The following HSDL2 variants were observed in gnomAD, a reference collection of about 807,000 sequenced individuals.
HSDL2 encodes the protein hydroxysteroid dehydrogenase like 2, also known as hydroxysteroid dehydrogenase-like protein 2.
HSDL2 carries 27 observed loss-of-function variants against 46.3 expected under a neutral mutation model. That is an observed-to-expected ratio of 0.58 (90% confidence interval 0.43 to 0.80). HSDL2 has a LOEUF of 0.80. Ranked by LOEUF, HSDL2 falls within the 30% of genes least tolerant of loss-of-function variation. The pLI, the probability that HSDL2 is intolerant of heterozygous loss-of-function variation, is 0.00. For synonymous variants in HSDL2, 153 were observed against 163.6 expected (o/e 0.94, Z 0.50); for missense variants, 451 against 502.7 (o/e 0.90, Z 0.98).
At chr9:112,406,667 G>A (rs1338833618) in intron 3 of HSDL2, among the ~76,000 whole-genome samples, 1 of 151,800 alleles carries the variant, frequency 6.6e-6, no homozygotes, top group African/African-American at 2.4e-5. Flanking sequence ...GACAGGTTTC[G>A]CCACATTGGC....
At chr9:112,463,078 CAT>C (rs1833261331) in intron 10 of HSDL2, among the ~76,000 whole-genome samples, 1 of 152,066 alleles carries the variant, frequency 6.6e-6, no homozygotes, top group Non-Finnish European at 1.5e-5. Flanking sequence ...GGATATACCA[CAT>C]GTTGTTTATT....
intron 8 of HSDL2, among the ~76,000 whole-genome samples, chr9:112,446,408 G>A (rs1239804986): frequency 2.0e-5 from 3 of 152,138 alleles, no homozygotes; most frequent in African/African-American, 7.2e-5. Context: ...AGGATTGCCC[G>A]AGGCCAGGAG....
chr9:112,462,749 TAATA>T (rs1222954539), intron 10 of HSDL2, among the ~76,000 whole-genome samples: 1 of 152,128 alleles, frequency 6.6e-6, no homozygotes, highest in Non-Finnish European at 1.5e-5. Flanking sequence ...AAATGATTTT[TAATA>T]AATTTATAGT....
intron 8 of HSDL2, among the ~76,000 whole-genome samples, chr9:112,444,486 C>T (rs1217959862): frequency 6.6e-6 from 1 of 152,078 alleles, no homozygotes; most frequent in East Asian, 1.9e-4. Flanking sequence ...GCCTGTAGTC[C>T]CAGCACTTTG....
chr9:112,388,983 A>G (rs577714246), intron 1 of HSDL2, among the ~76,000 whole-genome samples: 18 of 152,194 alleles, frequency 1.2e-4, no homozygotes, highest in South Asian at 8.3e-4. Context: ...AAATACTGTG[A>G]AAGTAGATAC....
intron 1 of HSDL2, among the ~76,000 whole-genome samples, chr9:112,399,941 G>C (rs1198298326): frequency 1.3e-5 from 2 of 152,204 alleles, no homozygotes; most frequent in Non-Finnish European, 2.9e-5. Context: ...TACATCCTCA[G>C]CTTACGAAGA....
At chr9:112,413,107 AC>A (rs1185980200) in intron 4 of HSDL2, among the ~76,000 whole-genome samples, 2 of 152,194 alleles carry the variant, frequency 1.3e-5, no homozygotes, top group Non-Finnish European at 2.9e-5. Context: ...CCTCACACTG[AC>A]TTTTGGGTCA....
At chr9:112,453,904 G>T (rs1832949360) in intron 8 of HSDL2, 109 bp from the exon 9 acceptor site, 3 of 970,626 alleles carry the variant, frequency 3.1e-6, no homozygotes, top group Non-Finnish European at 4.5e-6. Flanking sequence ...AAGTCATTTT[G>T]GTCAAATAGG....
chr9:112,410,725 G>A (rs953118987), intron 4 of HSDL2, among the ~76,000 whole-genome samples: 24 of 152,044 alleles, frequency 1.6e-4, no homozygotes, highest in Admixed American at 1.4e-3. Flanking sequence ...CCAGGAGTTC[G>A]AAACCAGCCT....
chr9:112,427,434 T>C (rs893393182), intron 6 of HSDL2, among the ~76,000 whole-genome samples: 14 of 152,244 alleles, frequency 9.2e-5, no homozygotes, highest in African/African-American at 2.9e-4. Context: ...TTTTAAATGA[T>C]TCGGTCTCTT....
rs141322902 is a variant in HSDL2 at position 112,458,690 on chromosome 9, A to C, written c.1016-759A>C. On this transcript the variant is annotated intron_variant, in intron 9 of 10. Transcript: ENST00000398805. ...AAATGCATTCACATTGTTTTATAAC[A>C]ATCATCACCTGCCGGGCACGGTATC... is the stretch of plus-strand genomic sequence containing the variant. 4.3e-3 allele frequency among the ~76,000 whole-genome samples: 648 copies of C among 152,222 alleles called. 10 individuals are homozygous for C. The highest frequency in any genetic ancestry group is 0.025 in the Admixed American group (387 of 15,292).
intron 4 of HSDL2, among the ~76,000 whole-genome samples, chr9:112,409,645 C>T (rs1463170090): frequency 6.6e-6 from 1 of 152,032 alleles, no homozygotes; most frequent in East Asian, 1.9e-4. Context: ...CTGAGATGCA[C>T]AAGATGGCAA....
chr9:112,441,819 T>G, intron 8 of HSDL2, 49 bp downstream of exon 8: 2 of 1,206,678 alleles, frequency 1.7e-6, no homozygotes, highest in South Asian at 2.5e-5. Flanking sequence ...TCCTAACTTA[T>G]GTATTTCTTC....
intron 1 of HSDL2, among the ~76,000 whole-genome samples, chr9:112,397,531 G>A (rs1234588271): frequency 2.0e-5 from 3 of 152,178 alleles, no homozygotes; most frequent in Admixed American, 6.5e-5. Context: ...CTTGGGGCAC[G>A]TAATTTATCC....
chr9:112,383,181 C>T (rs1412251673), intron 1 of HSDL2, among the ~76,000 whole-genome samples: 1 of 151,988 alleles, frequency 6.6e-6, no homozygotes, highest in Non-Finnish European at 1.5e-5. Context: ...TTAAGTGGTT[C>T]TCCTGCCTTA....
At chr9:112,425,027 T>C (rs1464911668) in intron 6 of HSDL2, among the ~76,000 whole-genome samples, 2 of 152,144 alleles carry the variant, frequency 1.3e-5, no homozygotes, top group Admixed American at 6.5e-5. Flanking sequence ...CCATTTCTTA[T>C]TAGATTAGCT....
chr9:112,404,306 G>A lies in HSDL2; in HGVS notation c.181+148G>A, dbSNP rs895386637. ...AGAAGTATTTATGTTGTCACCTTGG[G>A]GCAGTGCTTCTGACCGTTTTTCTCC... On this transcript the variant is annotated intron_variant, in intron 2 of 10. Transcript: ENST00000398805. 2.5e-5 allele frequency: 18 copies of A among 727,728 alleles called. No homozygotes were observed. In the African/African-American group the frequency reaches 2.9e-4, roughly 12 times the overall value. 45.1% of individuals were successfully genotyped at this position (727,728 alleles called of 1,614,324 possible).
intron 4 of HSDL2, among the ~76,000 whole-genome samples, chr9:112,415,468 A>G (rs1243367835): frequency 6.6e-6 from 1 of 152,160 alleles, no homozygotes; most frequent in African/African-American, 2.4e-5. Flanking sequence ...AATGCTATAC[A>G]ATTTTCCCAG....
chr9:112,398,579 C>T lies in HSDL2; in HGVS notation c.18-5416C>T, dbSNP rs147955399. 3.0e-3 allele frequency among the ~76,000 whole-genome samples: 454 copies of T among 151,876 alleles called. 2 individuals carry two copies. The highest frequency in any genetic ancestry group is 0.01 in the African/African-American group (422 of 41,420). On this transcript the variant is annotated intron_variant, in intron 1 of 10. Coordinates refer to ENST00000398805, the MANE Select transcript of HSDL2 (RefSeq NM_032303.5). ...TGAAGGGAGAGGCTTGAGCAGATAA[C>T]GAAGGCCGAACGGGAGAGGAAACCT...
Sources: allele counts gnomAD v4.1 joint callset (sites outside exome capture counted in the v4.1 genomes callset), GRCh38; gene constraint gnomAD v4.1.1; transcripts MANE v1.5; gene names NCBI Gene and HGNC (gene_info 2026-07-23, HGNC 2026-07-21).